NCOA2: variants seen among roughly 807,000 people sequenced by gnomAD.
NCOA2 encodes the protein nuclear receptor coactivator 2.
Under a neutral mutation model 145.1 loss-of-function variants are expected in NCOA2, and 21 were observed. The ratio of observed to expected loss-of-function variants is 0.14; its 90% CI spans 0.10 to 0.21. NCOA2 has a LOEUF of 0.21. Among genes scored for constraint, NCOA2 ranks in the 10% least tolerant of loss-of-function variants. The pLI is 1.00. For synonymous variants in NCOA2, 619 were observed against 637.5 expected (o/e 0.97, Z 0.44); for missense variants, 1,472 against 1,837.6 (o/e 0.80, Z 3.64).
intron 7 of NCOA2, among the ~76,000 whole-genome samples, chr8:70,164,453 A>C (rs1813393921): frequency 1.3e-5 from 2 of 152,158 alleles, no homozygotes; most frequent in Admixed American, 1.3e-4. Flanking sequence ...TGAATTTGAC[A>C]AAGAGTTTAT....
intron 2 of NCOA2, among the ~76,000 whole-genome samples, chr8:70,222,987 C>T (rs527262515): frequency 6.6e-6 from 1 of 152,242 alleles, no homozygotes; most frequent in East Asian, 1.9e-4. Context: ...TATATATCGA[C>T]GTCAGCTGGT....
the NCOA2 span, among the ~76,000 whole-genome samples, chr8:70,427,720 T>G: frequency 3.9e-5 from 6 of 152,216 alleles, no homozygotes; most frequent in Non-Finnish European, 8.8e-5. Context: ...AGCAAACTAT[T>G]TATGCTGAAA....
the NCOA2 span, among the ~76,000 whole-genome samples, chr8:70,421,568 A>G: frequency 6.6e-6 from 1 of 151,934 alleles, no homozygotes; most frequent in Non-Finnish European, 1.5e-5. Flanking sequence ...AAACAACAAA[A>G]AAGTATTTTT....
intron 1 of NCOA2, among the ~76,000 whole-genome samples, chr8:70,377,128 T>C (rs998137140): frequency 4.6e-5 from 7 of 152,116 alleles, no homozygotes; most frequent in African/African-American, 1.7e-4. Context: ...TTTATGTATT[T>C]ATTTGTAGGA....
chr8:70,148,340 G>A lies in NCOA2; in HGVS notation c.2538C>T (p.Leu846=), dbSNP rs1156634431. 3 of 1,613,898 alleles carry A rather than the reference G, an allele frequency of 1.9e-6. No homozygotes were observed. Among genetic ancestry groups the A allele is most frequent in the African/African-American group, 2.7e-5 (2 of 74,928 alleles). The change falls in exon 12 of 23, where the codon CTC becomes CTT. Residue 846 remains leucine, a synonymous_variant. Transcript: ENST00000452400. ...GTGTGACAGGGCTGTTTTCAGCTGT[G>A]AGTTGCATGAGGTCATTGATGATGG... ...KQAIINDLMQ[L]TAENSPVTPV...
At chr8:70,418,886 G>T in the NCOA2 span, among the ~76,000 whole-genome samples, 3 of 152,070 alleles carry the variant, frequency 2.0e-5, 1 homozygote, top group South Asian at 6.2e-4. Flanking sequence ...TAGCAAACTT[G>T]CTCTAAAATG....
At chr8:70,342,969 A>C (rs1330487822) in intron 1 of NCOA2, among the ~76,000 whole-genome samples, 1 of 152,174 alleles carries the variant, frequency 6.6e-6, no homozygotes, top group Non-Finnish European at 1.5e-5. Context: ...GTATTTCAGA[A>C]ATAATAGCCT....
chr8:70,260,427 C>T (rs1446962145), intron 2 of NCOA2, among the ~76,000 whole-genome samples: 2 of 152,116 alleles, frequency 1.3e-5, no homozygotes, highest in Non-Finnish European at 1.5e-5. Context: ...TGAGGCACCA[C>T]GTCTGGCTGG....
At chr8:70,417,469 A>C in the NCOA2 span, among the ~76,000 whole-genome samples, 1 of 152,048 alleles carries the variant, frequency 6.6e-6, no homozygotes, top group Non-Finnish European at 1.5e-5. Flanking sequence ...GAATTGCTTT[A>C]ACCTGGGAGG....
rs773612588 is a variant in NCOA2 at position 70,126,886 on chromosome 8, A to G, written c.3843T>C (p.Gly1281=). ...GAGGGTTGCTCATAGTTGCTGGCAT[A>G]CCACTAGGAGCCACCATGCTTGGTG... ...NMTPSMVAPS[G]MPATMSNPRI... is the part of the protein sequence containing the mutation. Residue 1281 remains glycine, a synonymous_variant, in exon 19 of 23, where the codon GGT becomes GGC. Coordinates refer to ENST00000452400, the MANE Select transcript of NCOA2 (RefSeq NM_006540.4). The G allele has an allele frequency of 7.4e-6, 12 of 1,613,880 alleles. No individual in the cohort carries two copies. In the East Asian group the frequency reaches 2.4e-4, roughly 33 times the overall value.
chr8:70,327,264 C>T (rs753900217), intron 1 of NCOA2, among the ~76,000 whole-genome samples: 6 of 152,244 alleles, frequency 3.9e-5, no homozygotes, highest in Non-Finnish European at 7.4e-5. Context: ...ATATCTGAAA[C>T]AAATTAAGTA....
chr8:70,444,016 C>T, the NCOA2 span, among the ~76,000 whole-genome samples: 1,220 of 152,300 alleles, frequency 8.0e-3, 20 homozygotes, highest in African/African-American at 0.028. Context: ...TTGTCCTAGG[C>T]ATTTATTCCA....
intron 1 of NCOA2, among the ~76,000 whole-genome samples, chr8:70,317,539 C>T (rs1281982811): frequency 6.6e-6 from 1 of 152,154 alleles, no homozygotes; most frequent in African/African-American, 2.4e-5. Flanking sequence ...GAACTAAGTA[C>T]TCCACCTTCT....
chr8:70,137,377 G>C (rs1284463407), intron 15 of NCOA2, among the ~76,000 whole-genome samples: 1 of 152,104 alleles, frequency 6.6e-6, no homozygotes, highest in Non-Finnish European at 1.5e-5. Context: ...CCTCCTGTTT[G>C]GGCAACACTA....
In NCOA2 at chr8:70,174,810, G is replaced by A. The variant is rs1814649062; in HGVS notation, c.309C>T (p.Ser103=). ...TGTCGATGACACCCTGCCCTGTAGA[G>A]GATACATCTGACTTCTGCACTTCAT... ...NIDEVQKSDV[S]STGQGVIDKD... The change falls in exon 5 of 23, where the codon TCC becomes TCT. Residue 103 remains serine (S), a synonymous_variant. Transcript: ENST00000452400. 1.2e-6 allele frequency: 2 copies of A among 1,613,702 alleles called. No homozygotes were observed. Among genetic ancestry groups the A allele is most frequent in the Non-Finnish European group, 1.7e-6 (2 of 1,179,708 alleles).
the NCOA2 span, among the ~76,000 whole-genome samples, chr8:70,441,804 G>A: frequency 2.9e-5 from 2 of 68,504 alleles, no homozygotes; most frequent in Admixed American, 3.9e-4. Flanking sequence ...AAGAAAGAAA[G>A]AAAGAAAGAA....
chr8:70,209,320 T>C (rs1818780697), intron 4 of NCOA2, among the ~76,000 whole-genome samples: 1 of 152,220 alleles, frequency 6.6e-6, no homozygotes, highest in Non-Finnish European at 1.5e-5. Flanking sequence ...TTTCTTGAGA[T>C]GGAATCAACT....
intron 1 of NCOA2, among the ~76,000 whole-genome samples, chr8:70,359,898 T>C (rs183529413): frequency 3.3e-5 from 5 of 152,308 alleles, no homozygotes; most frequent in African/African-American, 1.2e-4. Context: ...TTACTTTGAA[T>C]GTGGATCATT....
chr8:70,190,395 T>G (rs764713741), intron 4 of NCOA2, among the ~76,000 whole-genome samples: 1 of 152,232 alleles, frequency 6.6e-6, no homozygotes, highest in South Asian at 2.1e-4. Context: ...GGAATGGAAC[T>G]AAATAAAACT....
Sources: gnomAD v4.1 joint callset for allele counts (sites outside exome capture counted in the v4.1 genomes callset) on GRCh38, gnomAD v4.1.1 for gene constraint, MANE v1.5 for transcripts, NCBI Gene and HGNC (gene_info 2026-07-23, HGNC 2026-07-21) for gene names.